The following SNRPB variants were observed in gnomAD, a reference collection of about 807,000 sequenced individuals.
SNRPB encodes small nuclear ribonucleoprotein polypeptides B and B1, also known as small nuclear ribonucleoprotein-associated proteins B and B'.
In SNRPB, 5 loss-of-function variants were observed where a neutral mutation model predicts 26.6. That is an observed-to-expected ratio of 0.19 (90% confidence interval 0.10 to 0.39). SNRPB has a LOEUF of 0.39. Ranked by LOEUF, SNRPB falls within the 10% of genes least tolerant of loss-of-function variation. The pLI, the probability that SNRPB is intolerant of heterozygous loss-of-function variation, is 1.00. For synonymous variants in SNRPB, 122 were observed against 105.8 expected (o/e 1.15, Z -0.94); for missense variants, 211 against 311.9 (o/e 0.68, Z 2.44).
chr20:2,462,840 C>G (rs1023829287), intron 5 of SNRPB, 79 bp from the exon 6 acceptor site: 1 of 1,282,024 alleles, frequency 7.8e-7, no homozygotes, highest in Admixed American at 2.4e-5. Flanking sequence ...AGCTTTCCAC[C>G]AAGTTCTGAG....
Position 2,463,065 on chromosome 20 carries a change from C to T in SNRPB, c.559+24G>A, listed in dbSNP as rs781561378. 10 of 1,527,300 alleles carry T rather than the reference C, an allele frequency of 6.5e-6. No individual in the cohort carries two copies. Among genetic ancestry groups the T allele is most frequent in the African/African-American group, 1.4e-5 (1 of 71,870 alleles). 94.6% of individuals were successfully genotyped at this position (1,527,300 alleles called of 1,614,324 possible). ...CTAAGGCATCTTCTATCAATTAGCA[C>T]TGGTCTCCTTATGGGCTCCTCACCT... On this transcript the variant is annotated intron_variant, in intron 5 of 6. Coordinates refer to ENST00000381342, the MANE Select transcript of SNRPB (RefSeq NM_003091.4). The surrounding 1 kb of genome is among the most constrained non-coding windows in gnomAD (Gnocchi z 5.0).
rs1287956078 is a variant in SNRPB at position 2,463,886 on chromosome 20, C to T, written c.281G>A (p.Arg94Gln). 1.2e-6 allele frequency: 2 copies of T among 1,613,260 alleles called. No individual in the cohort carries two copies. The highest frequency in any genetic ancestry group is 2.7e-5 in the African/African-American group (2 of 75,016). The change falls in exon 4 of 7, where the codon CGA becomes CAA. Residue 94 changes from arginine to glutamine, a missense_variant. Physicochemically the swap from Arg to Gln is conservative, Grantham distance 43 (BLOSUM62 1). Coordinates refer to ENST00000381342, the MANE Select transcript of SNRPB (RefSeq NM_003091.4). The surrounding 1 kb of genome is among the most constrained non-coding windows in gnomAD (Gnocchi z 5.0). ...CCCGGCAGCTCCAGCAAGTGGAACT[C>T]GAGCAATACCAGTCTGAAAAATAAA... ...GPPPKDTGIA[R>Q]VPLAGAAGGP...
At position 2,467,594 on chromosome 20, in the gene SNRPB, G is replaced by A. The variant is rs780516813; in HGVS notation, c.155+13C>T. 3.1e-6 allele frequency: 5 copies of A among 1,612,694 alleles called. No individual in the cohort carries two copies. In the South Asian group the frequency reaches 4.4e-5, roughly 14 times the overall value. ...CATCCTCCAGTCTCCGCCCCCCACA[G>A]TCCACTCCTCACTTGATCTTTCTGA... On this transcript the variant is annotated intron_variant, in intron 2 of 6. Transcript: ENST00000381342.
chr20:2,465,854 T>C (rs1395839763), intron 2 of SNRPB, 35 bp from the exon 3 acceptor site: 6 of 1,549,296 alleles, frequency 3.9e-6, no homozygotes, highest in Non-Finnish European at 5.4e-6. Context: ...AAAAAAGTGT[T>C]AGAGGTGGGT....
chr20:2,467,581 T>G, intron 2 of SNRPB, 26 bp downstream of exon 2: 1 of 1,608,496 alleles, frequency 6.2e-7, no homozygotes, highest in South Asian at 1.1e-5. Flanking sequence ...TCCTCCAGTC[T>G]CCGCCCCCCA....
chr20:2,465,447 C>T (rs2085066584), intron 3 of SNRPB, among the ~76,000 whole-genome samples: 2 of 142,232 alleles, frequency 1.4e-5, no homozygotes, highest in Admixed American at 1.5e-4. Flanking sequence ...TGGGGTCTCG[C>T]TATATTGCCC....
chr20:2,466,254 C>T (rs1045451667), intron 2 of SNRPB, among the ~76,000 whole-genome samples: 7 of 152,328 alleles, frequency 4.6e-5, no homozygotes, highest in Admixed American at 2.0e-4. Flanking sequence ...TCAATTCAAC[C>T]TCACAGGCCT....
chr20:2,465,062 T>C (rs1447822284), intron 3 of SNRPB, among the ~76,000 whole-genome samples: 1 of 152,236 alleles, frequency 6.6e-6, no homozygotes, highest in Admixed American at 6.5e-5. Flanking sequence ...TAAGCCCTGG[T>C]TTATTCTATT....
chr20:2,468,295 T>C (rs564857841), intron 1 of SNRPB, among the ~76,000 whole-genome samples: 1 of 152,320 alleles, frequency 6.6e-6, no homozygotes, highest in African/African-American at 2.4e-5. Context: ...CAAGACTATA[T>C]TTGGCAGAGG....
intron 3 of SNRPB, 37 bp downstream of exon 3, chr20:2,465,671 C>G: frequency 1.5e-6 from 2 of 1,367,444 alleles, no homozygotes; most frequent in Non-Finnish European, 2.1e-6. Flanking sequence ...CACAGTAGGG[C>G]CTCCCCTCCT....
chr20:2,463,610 A>G lies in SNRPB; in HGVS notation c.420+137T>C. The stretch of plus-strand genomic sequence containing the variant: ...ATCCTTTTCACTTGCTTCTAGGGCC[A>G]TGTATAAACCACAGTGAAACACTGA... On this transcript the variant is annotated intron_variant, in intron 4 of 6. Coordinates refer to ENST00000381342, the MANE Select transcript of SNRPB (RefSeq NM_003091.4). The surrounding 1 kb of genome is among the most constrained non-coding windows in gnomAD (Gnocchi z 5.0). The G allele has an allele frequency of 7.2e-6, 5 of 695,750 alleles. No homozygotes were observed. The highest frequency in any genetic ancestry group is 5.6e-5 in the South Asian group (3 of 53,370). 43.1% of individuals were successfully genotyped at this position (695,750 alleles called of 1,614,324 possible). A position where few individuals can be genotyped will look rare whatever the true frequency, so the allele number is the denominator to read the frequency against.
At chr20:2,465,956 T>C (rs1034561548) in intron 2 of SNRPB, 137 bp from the exon 3 acceptor site, 12 of 654,394 alleles carry the variant, frequency 1.8e-5, no homozygotes, top group Non-Finnish European at 2.7e-5. Context: ...CCCTCCTGGA[T>C]AGTCTCTACA....
intron 2 of SNRPB, 22 bp downstream of exon 2, chr20:2,467,584 GC>G (rs753524594): frequency 1.2e-6 from 2 of 1,608,304 alleles, no homozygotes; most frequent in Non-Finnish European, 8.5e-7. Flanking sequence ...TCCAGTCTCC[GC>G]CCCCCACAGT....
rs986212609 is a variant in SNRPB at position 2,463,003 on chromosome 20, C to T, written c.559+86G>A. The T allele has an allele frequency of 1.6e-6, 2 of 1,253,554 alleles. No homozygotes were observed. The highest frequency in any genetic ancestry group is 1.5e-5 in the African/African-American group (1 of 66,546). 77.7% of individuals were successfully genotyped at this position (1,253,554 alleles called of 1,614,324 possible). A position where few individuals can be genotyped will look rare whatever the true frequency, so the allele number is the denominator to read the frequency against. The stretch of plus-strand genomic sequence containing the variant: ...CTGCTTAATTATACAAACTCATCAT[C>T]AGCTTCAGTCAAGGTTATATCTCAT... On this transcript the variant is annotated intron_variant, in intron 5 of 6. Transcript: ENST00000381342. The surrounding 1 kb of genome is among the most constrained non-coding windows in gnomAD (Gnocchi z 5.0).
chr20:2,469,861 G>A (rs997533736), intron 1 of SNRPB, among the ~76,000 whole-genome samples: 3 of 152,100 alleles, frequency 2.0e-5, no homozygotes, highest in Non-Finnish European at 4.4e-5. Flanking sequence ...AACAAACGCA[G>A]AAAAATCCAG....
At chr20:2,465,918 A>G (rs2122490541) in intron 2 of SNRPB, 99 bp from the exon 3 acceptor site, 1 of 833,430 alleles carries the variant, frequency 1.2e-6, no homozygotes, top group East Asian at 2.5e-5. Context: ...ATCTCCTAAC[A>G]AACAGTACAC....
chr20:2,470,589 T>A, intron 1 of SNRPB, 99 bp downstream of exon 1: 1 of 1,501,286 alleles, frequency 6.7e-7, no homozygotes, highest in East Asian at 2.3e-5. Context: ...TTCACCGCCC[T>A]AAGTGGCTCC....
In SNRPB at chr20:2,462,827, C is replaced by A. The variant is rs1011250846; in HGVS notation, c.560-66G>T. The A allele has an allele frequency of 2.2e-6, 3 of 1,348,306 alleles. No individual in the cohort carries two copies. The African/African-American group carries it at 4.4e-5, about 20-fold the overall frequency. The allele number at this position is 1,348,306 out of a possible 1,614,324, so 83.5% of individuals were successfully genotyped here. On this transcript the variant is annotated intron_variant, in intron 5 of 6. Coordinates refer to ENST00000381342, the MANE Select transcript of SNRPB (RefSeq NM_003091.4). The stretch of plus-strand genomic sequence containing the variant: ...TCTTGAAAAGGTAGCAAAAAAACTA[C>A]AAAGCTTTCCACCAAGTTCTGAGAT...
intron 5 of SNRPB, 91 bp from the exon 6 acceptor site, chr20:2,462,852 T>C (rs1274627069): frequency 3.5e-6 from 4 of 1,142,558 alleles, no homozygotes; most frequent in Admixed American, 2.4e-5. Context: ...AGTTCTGAGA[T>C]AGATGGACCA....
Sources: allele counts gnomAD v4.1 joint callset (sites outside exome capture counted in the v4.1 genomes callset), GRCh38; gene constraint gnomAD v4.1.1; non-coding constraint Gnocchi (gnomAD v3.1); transcripts MANE v1.5; gene names NCBI Gene and HGNC (gene_info 2026-07-23, HGNC 2026-07-21).